BBS9: variants seen among roughly 807,000 people sequenced by gnomAD.
BBS9 encodes the protein Bardet-Biedl syndrome 9.
BBS9 carries 89 observed loss-of-function variants against 117.7 expected under a neutral mutation model. That is an observed-to-expected ratio of 0.76 (90% CI 0.64 to 0.90). The LOEUF (loss-of-function observed/expected upper bound fraction) is 0.90. Ranked by LOEUF, BBS9 falls within the 40% of genes least tolerant of loss-of-function variation. The probability of loss-of-function intolerance (pLI) is 0.00; values close to 1 mark genes in which losing one functional copy is unlikely to be tolerated. For missense variants in BBS9, 982 were observed against 1,042.2 expected (o/e 0.94, Z 0.80); for synonymous variants, 379 against 370.9 (o/e 1.02, Z -0.25).
chr7:33,561,055 T>A (rs960912208), intron 21 of BBS9, among the ~76,000 whole-genome samples: 1 of 152,202 alleles, frequency 6.6e-6, no homozygotes, highest in African/African-American at 2.4e-5. Context: ...TTTTAAAACT[T>A]GCTTTGCTCT....
At position 33,574,748 on chromosome 7, in the gene BBS9, CTATT is replaced by C. The variant is rs374891308; in HGVS notation, c.2522-30107_2522-30104del. 4.5e-4 allele frequency among the ~76,000 whole-genome samples: 68 copies of C among 149,708 alleles called. 2 individuals are homozygous for C. The East Asian group carries it at 5.3e-3, about 12-fold the overall frequency. ...ACACGCGCACACACACACACTTTCA[CTATT>C]TATTTATTTTATATAGGTTATGTGT... On this transcript the variant is annotated intron_variant, in intron 21 of 22. Coordinates refer to ENST00000242067, the MANE Select transcript of BBS9 (RefSeq NM_198428.3).
chr7:33,551,297 C>G (rs1854377562), intron 21 of BBS9, among the ~76,000 whole-genome samples: 2 of 152,114 alleles, frequency 1.3e-5, no homozygotes, highest in Admixed American at 1.3e-4. Flanking sequence ...GTGTAGGAGT[C>G]TGGCTGGGTT....
chr7:33,517,750 G>A (rs775669647), intron 20 of BBS9, among the ~76,000 whole-genome samples: 15 of 152,136 alleles, frequency 9.9e-5, no homozygotes, highest in South Asian at 6.2e-4. Context: ...GGCAAGATTT[G>A]AACCCACACT....
chr7:33,187,749 T>A (rs536366183), intron 5 of BBS9, among the ~76,000 whole-genome samples: 1 of 151,792 alleles, frequency 6.6e-6, no homozygotes, highest in East Asian at 2.0e-4. Context: ...TAAAACCCCA[T>A]CTCTACTTAA....
chr7:33,280,213 T>C (rs1332773741), intron 9 of BBS9, among the ~76,000 whole-genome samples: 1 of 152,136 alleles, frequency 6.6e-6, no homozygotes, highest in Non-Finnish European at 1.5e-5. Context: ...CAGGTACAAG[T>C]GCAAGTTTGT....
chr7:33,379,738 T>C (rs1439861680), intron 17 of BBS9, among the ~76,000 whole-genome samples: 1 of 152,184 alleles, frequency 6.6e-6, no homozygotes, highest in South Asian at 2.1e-4. Flanking sequence ...GGGAAAGTAA[T>C]GAAAACAATA....
chr7:33,402,829 C>T (rs1192255030), intron 19 of BBS9, among the ~76,000 whole-genome samples: 1 of 152,006 alleles, frequency 6.6e-6, no homozygotes, highest in Non-Finnish European at 1.5e-5. Context: ...GGTAGTTTTT[C>T]AACTCTTACC....
intron 10 of BBS9, 130 bp downstream of exon 10, chr7:33,336,752 C>A: frequency 1.5e-6 from 1 of 689,192 alleles, no homozygotes; most frequent in Admixed American, 2.5e-5. Context: ...TTTGTAAAAA[C>A]AGTATTGCTC....
At chr7:33,385,818 AG>A (rs1825900258) in intron 18 of BBS9, among the ~76,000 whole-genome samples, 1 of 151,846 alleles carries the variant, frequency 6.6e-6, no homozygotes, top group Non-Finnish European at 1.5e-5. Context: ...ATTGATAATT[AG>A]GTTAATGTTC....
chr7:33,301,129 G>GTA (rs1161275987), intron 9 of BBS9, among the ~76,000 whole-genome samples: 5 of 151,690 alleles, frequency 3.3e-5, no homozygotes, highest in South Asian at 2.1e-4. Flanking sequence ...ATATATGTGT[G>GTA]TATATATATA....
intron 21 of BBS9, among the ~76,000 whole-genome samples, chr7:33,631,109 A>T (rs531062895): frequency 6.6e-6 from 1 of 152,274 alleles, no homozygotes; most frequent in East Asian, 1.9e-4. Flanking sequence ...TTTCTGAGGA[A>T]GTGACTGAGG....
chr7:33,422,615 T>C (rs1450558341), intron 19 of BBS9, among the ~76,000 whole-genome samples: 1 of 152,206 alleles, frequency 6.6e-6, no homozygotes. Flanking sequence ...TTATAATAAT[T>C]ATGTCTTCTG....
intron 5 of BBS9, among the ~76,000 whole-genome samples, chr7:33,200,416 T>C (rs1785647364): frequency 2.0e-5 from 3 of 152,188 alleles, no homozygotes; most frequent in African/African-American, 7.2e-5. Context: ...AAATCTTCCA[T>C]GACTTCTCAT....
rs117140114 is a variant in BBS9 at position 33,246,716 on chromosome 7, T to C, written c.443-10520T>C. Among the ~76,000 whole-genome samples the C allele has an allele frequency of 2.9e-3, 438 of 152,168 alleles. 3 individuals are homozygous for C. Among genetic ancestry groups the C allele is most frequent in the East Asian group, 0.028 (146 of 5,182 alleles). The stretch of plus-strand genomic sequence containing the variant: ...ACACGGGTTCTTCTGTATGATGTTG[T>C]CTGTCTTGTCTTTCTTAGGGAGTCA... On this transcript the variant is annotated intron_variant, in intron 5 of 22. Coordinates refer to ENST00000242067, the MANE Select transcript of BBS9 (RefSeq NM_198428.3).
At chr7:33,305,203 TATTG>T (rs1807635083) in intron 9 of BBS9, among the ~76,000 whole-genome samples, 2 of 152,154 alleles carry the variant, frequency 1.3e-5, no homozygotes, top group East Asian at 3.9e-4. Context: ...AGATGTATCA[TATTG>T]ATCATTTTGC....
At chr7:33,159,117 C>T (rs1443758837) in intron 4 of BBS9, among the ~76,000 whole-genome samples, 3 of 152,118 alleles carry the variant, frequency 2.0e-5, no homozygotes, top group Non-Finnish European at 2.9e-5. Context: ...TTATAGTTCA[C>T]TATGTACAGA....
intron 19 of BBS9, among the ~76,000 whole-genome samples, chr7:33,465,282 C>T (rs1368286973): frequency 6.8e-6 from 1 of 147,756 alleles, no homozygotes; most frequent in African/African-American, 2.5e-5. Context: ...TCAGCTTCCT[C>T]TCATTAATGC....
chr7:33,417,476 C>CT (rs1284447942), intron 19 of BBS9, among the ~76,000 whole-genome samples: 2 of 152,224 alleles, frequency 1.3e-5, no homozygotes, highest in African/African-American at 4.8e-5. Flanking sequence ...TATAAAAACT[C>CT]TGTCATTCAA....
At chr7:33,552,847 G>A (rs1382334044) in intron 21 of BBS9, among the ~76,000 whole-genome samples, 1 of 152,026 alleles carries the variant, frequency 6.6e-6, no homozygotes, top group African/African-American at 2.4e-5. Context: ...AAGATGACTT[G>A]GTTTTAGGAT....
Sources: gnomAD v4.1 joint callset for allele counts (sites outside exome capture counted in the v4.1 genomes callset) on GRCh38, gnomAD v4.1.1 for gene constraint, MANE v1.5 for transcripts, NCBI Gene and HGNC (gene_info 2026-07-23, HGNC 2026-07-21) for gene names.